Variants in SBF2 observed in about 807,000 individuals in gnomAD.
The protein encoded by SBF2 is SET binding factor 2, also known as myotubularin-related protein 13.
SBF2 carries 112 observed loss-of-function variants against 225.2 expected under a neutral mutation model. The ratio of observed to expected loss-of-function variants is 0.50; its 90% CI spans 0.43 to 0.58. SBF2 has a LOEUF of 0.58. SBF2 is among the 20% of genes least tolerant of loss of function. The pLI is 0.00. For synonymous variants in SBF2, 763 were observed against 773.3 expected (o/e 0.99, Z 0.22); for missense variants, 1,996 against 2,206.2 (o/e 0.90, Z 1.91).
chr11:10,208,383 C>A (rs1259085801), intron 1 of SBF2, among the ~76,000 whole-genome samples: 1 of 152,074 alleles, frequency 6.6e-6, no homozygotes, highest in Non-Finnish European at 1.5e-5. Context: ...TGTCTGCTGG[C>A]AAAGAACTCC....
At chr11:10,026,387 A>G (rs1461068119) in intron 6 of SBF2, among the ~76,000 whole-genome samples, 2 of 152,138 alleles carry the variant, frequency 1.3e-5, no homozygotes, top group Non-Finnish European at 2.9e-5. Flanking sequence ...AATTAAGTCA[A>G]TGGTTAGTAG....
chr11:10,227,145 A>G (rs11042675), intron 1 of SBF2, among the ~76,000 whole-genome samples: 59,969 of 151,774 alleles, frequency 0.4, 12,864 homozygotes, highest in Non-Finnish European at 0.48. Flanking sequence ...GTCTGTTCAT[A>G]TCCTTTGCCC....
intron 16 of SBF2, chr11:9,928,924 A>G: frequency 2.4e-6 from 1 of 409,058 alleles, no homozygotes; most frequent in South Asian, 2.1e-5. Context: ...AATTAAATTC[A>G]AGCAATTTTC....
chr11:9,933,158 G>C (rs969141992), intron 16 of SBF2, among the ~76,000 whole-genome samples: 1 of 152,028 alleles, frequency 6.6e-6, no homozygotes, highest in African/African-American at 2.4e-5. Context: ...GATTCATAAA[G>C]CAAGTCCTGA....
Position 9,812,473 on chromosome 11 carries a change from T to C in SBF2, c.4155+59A>G, listed in dbSNP as rs1051881896. ...TTTTTTTCTCAAATACAGTTCTGTA[T>C]ATCTACTTGGGCCTCTGTTTCTTTG... On this transcript the variant is annotated intron_variant, in intron 30 of 39. Coordinates refer to ENST00000256190, the MANE Select transcript of SBF2 (RefSeq NM_030962.4). The C allele has an allele frequency of 1.1e-5, 17 of 1,565,534 alleles. No homozygotes were observed. In the African/African-American group the frequency reaches 2.0e-4, roughly 19 times the overall value.
chr11:9,959,862 G>A, intron 16 of SBF2: 1 of 498,438 alleles, frequency 2.0e-6, no homozygotes, highest in South Asian at 1.7e-5. Context: ...GAGAGAGGAG[G>A]GGAGGCCACT....
At chr11:10,023,332 A>G (rs1185086739) in intron 6 of SBF2, among the ~76,000 whole-genome samples, 1 of 152,156 alleles carries the variant, frequency 6.6e-6, no homozygotes, top group Non-Finnish European at 1.5e-5. Context: ...CCTCTTCAAG[A>G]TGGCTCCTGA....
chr11:9,853,627 GCAC>G lies in SBF2; in HGVS notation c.2446_2448del (p.Val816del). The stretch of plus-strand genomic sequence containing the variant: ...TTGTCAATAAATCGGGTAATGAACC[GCAC>G]AACAGAATTGGCAATGTCAGTATTC... On this transcript the variant is annotated inframe_deletion, in exon 20 of 40. Coordinates refer to ENST00000256190, the MANE Select transcript of SBF2 (RefSeq NM_030962.4). 1 of 1,613,634 alleles carries G rather than the reference GCAC, an allele frequency of 6.2e-7. No individual in the cohort carries two copies. The highest frequency in any genetic ancestry group is 8.5e-7 in the Non-Finnish European group (1 of 1,179,680).
rs1852573823 is a variant in SBF2 at position 9,789,133 on chromosome 11, A to C, written c.4908T>G (p.Pro1636=). The C allele has an allele frequency of 6.2e-7, 1 of 1,614,038 alleles. No homozygotes were observed. Among genetic ancestry groups the C allele is most frequent in the Non-Finnish European group, 8.5e-7 (1 of 1,180,034 alleles). ...PCYDDVSCTQ[P]DALTSLFSEI... is the part of the protein sequence containing the mutation. ...CACTGAAAAGGCTGGTGAGAGCATC[A>C]GGCTGAGTACAGCTGACATCATCAT... The change falls in exon 35 of 40, where the codon CCT becomes CCG. Residue 1636 remains proline (P), a synonymous_variant. Transcript: ENST00000256190.
chr11:9,935,401 TG>T (rs1864820474), intron 16 of SBF2, among the ~76,000 whole-genome samples: 1 of 152,138 alleles, frequency 6.6e-6, no homozygotes, highest in Non-Finnish European at 1.5e-5. Context: ...ATATATTCAA[TG>T]CCATCCCCAT....
At chr11:10,279,148 A>G (rs946683333) in intron 1 of SBF2, among the ~76,000 whole-genome samples, 13 of 144,312 alleles carry the variant, frequency 9.0e-5, no homozygotes, top group South Asian at 6.7e-4. Context: ...GTGGTGGCTC[A>G]TGCCTGTAAT....
intron 12 of SBF2, among the ~76,000 whole-genome samples, chr11:9,992,084 G>A (rs898686484): frequency 6.6e-6 from 1 of 152,018 alleles, no homozygotes; most frequent in Non-Finnish European, 1.5e-5. Flanking sequence ...AGCTTTTGGA[G>A]TATGAGTGGT....
At chr11:9,819,788 T>C (rs1238250274) in intron 28 of SBF2, among the ~76,000 whole-genome samples, 1 of 152,236 alleles carries the variant, frequency 6.6e-6, no homozygotes, top group African/African-American at 2.4e-5. Context: ...AATGAAGCTC[T>C]AGCAACCATT....
chr11:10,082,763 C>T (rs1951415348), intron 2 of SBF2, among the ~76,000 whole-genome samples: 1 of 152,034 alleles, frequency 6.6e-6, no homozygotes, highest in African/African-American at 2.4e-5. Flanking sequence ...ATAAAACAAA[C>T]CCACAGTCAA....
In SBF2 at chr11:10,031,043, T is replaced by C. The variant is rs1060503800; in HGVS notation, c.402+5A>G. On this transcript the variant is annotated splice_donor_5th_base_variant and intron_variant, in intron 4 of 39. Transcript: ENST00000256190. ...AATTAATAATGATAACTATGTGTTC[T>C]TTACCCTAAAAATTTCTGGATAATA... 6.2e-7 allele frequency: 1 copy of C among 1,610,478 alleles called. No homozygotes were observed. The highest frequency in any genetic ancestry group is 1.3e-5 in the African/African-American group (1 of 74,854).
Position 10,294,033 on chromosome 11 carries a change from A to G in SBF2, c.37T>C (p.Tyr13His). 1 of 1,403,102 alleles carries G rather than the reference A, an allele frequency of 7.1e-7. No homozygotes were observed. 86.9% of individuals were successfully genotyped at this position (1,403,102 alleles called of 1,614,324 possible). A position where few individuals can be genotyped will look rare whatever the true frequency, so the allele number is the denominator to read the frequency against. ...RLADYFIVVG[Y>H]DHEKPGSGEG... ...CCCTTACCTGGCTTCTCGTGGTCATAGCCTACCACGATGAAGTAGTCAGCC... is the reference window on the plus strand; with the variant it reads ...CCCTTACCTGGCTTCTCGTGGTCATGGCCTACCACGATGAAGTAGTCAGCC... Residue 13 changes from tyrosine (Y) to histidine (H), a missense_variant, in exon 1 of 40, where the codon TAT (tyrosine) becomes CAT (histidine). Coordinates refer to ENST00000256190, the MANE Select transcript of SBF2 (RefSeq NM_030962.4).
In SBF2 at chr11:10,069,419, CTG is replaced by C. The variant is rs561265063; in HGVS notation, c.142-26440_142-26439del. ...GTGAGAACATGTGGTGTTTGGTTTT[CTG>C]TCTTTGTTACAGTTTGCTAAGAACG... On this transcript the variant is annotated intron_variant, in intron 2 of 39. Transcript: ENST00000256190. 3.8e-3 allele frequency among the ~76,000 whole-genome samples: 572 copies of C among 148,620 alleles called. 4 individuals are homozygous for C. The highest frequency in any genetic ancestry group is 5.3e-3 in the South Asian group (25 of 4,712).
intron 2 of SBF2, among the ~76,000 whole-genome samples, chr11:10,061,627 G>A (rs1257452366): frequency 2.0e-5 from 3 of 151,984 alleles, no homozygotes; most frequent in Non-Finnish European, 4.4e-5. Flanking sequence ...CAGGAATACA[G>A]TTAACCAGGA....
chr11:9,921,077 T>TA (rs1201647908), intron 16 of SBF2, among the ~76,000 whole-genome samples: 1 of 148,492 alleles, frequency 6.7e-6, no homozygotes, highest in Non-Finnish European at 1.5e-5. Flanking sequence ...TTTTTTTTTT[T>TA]TTTTTTTTTG....
Sources: gnomAD v4.1 joint callset for allele counts (sites outside exome capture counted in the v4.1 genomes callset) on GRCh38, gnomAD v4.1.1 for gene constraint, MANE v1.5 for transcripts, NCBI Gene and HGNC (gene_info 2026-07-23, HGNC 2026-07-21) for gene names.